Variants in MLLT10 observed in about 807,000 individuals in gnomAD.
The protein encoded by MLLT10 is protein AF-10.
MLLT10 carries 30 observed loss-of-function variants against 129.1 expected under a neutral mutation model. That is an observed-to-expected ratio of 0.23 (90% CI 0.17 to 0.32). MLLT10 has a LOEUF of 0.32. MLLT10 is among the 10% of genes least tolerant of loss of function. MLLT10 has a pLI of 1.00. For missense variants in MLLT10, 1,119 were observed against 1,268.3 expected (o/e 0.88, Z 1.79); for synonymous variants, 490 against 446.4 (o/e 1.10, Z -1.23).
At chr10:21,562,550 C>T (rs2038963788) in intron 3 of MLLT10, among the ~76,000 whole-genome samples, 1 of 151,732 alleles carries the variant, frequency 6.6e-6, no homozygotes, top group Non-Finnish European at 1.5e-5. Context: ...GTTGGCGAGG[C>T]TGGTTTCAAA....
chr10:21,671,094 C>T lies in MLLT10; in HGVS notation c.1051+390C>T, dbSNP rs182090852. 5.4e-5 allele frequency: 9 copies of T among 166,686 alleles called. No homozygotes were observed. In the East Asian group the frequency reaches 1.2e-3, roughly 23 times the overall value. 10.3% of individuals were successfully genotyped at this position (166,686 alleles called of 1,614,324 possible). A position where few individuals can be genotyped will look rare whatever the true frequency, so the allele number is the denominator to read the frequency against. On this transcript the variant is annotated intron_variant, in intron 10 of 22. Transcript: ENST00000307729. ...GGGCTGGAGTGCAGTGGCCGGCTCA[C>T]TGCAACCTCCGCCTCTCAGGTTCAA...
Position 21,743,403 on chromosome 10 carries a change from AT to A in MLLT10, c.*1422del. The stretch of plus-strand genomic sequence containing the variant: ...TTGGTAGATTTAATTGAAAAGTAAA[AT>A]TAATTTATTTTTATATGTTCAGGGG... On this transcript the variant is annotated 3_prime_UTR_variant, in exon 23 of 23. Coordinates refer to ENST00000307729, the MANE Select transcript of MLLT10 (RefSeq NM_001195626.3). 5.0e-6 allele frequency: 1 copy of A among 201,844 alleles called. No individual in the cohort carries two copies. The highest frequency in any genetic ancestry group is 1.0e-5 in the Non-Finnish European group (1 of 97,926). The allele number at this position is 201,844 out of a possible 1,614,324, so 12.5% of individuals were successfully genotyped here.
chr10:21,651,876 C>A, intron 9 of MLLT10, 108 bp downstream of exon 9: 33 of 380,662 alleles, frequency 8.7e-5, no homozygotes, highest in Non-Finnish European at 1.1e-4. Flanking sequence ...TTTTCAACCA[C>A]ATATCAGGCA....
chr10:21,639,742 A>G (rs892008250), intron 8 of MLLT10, among the ~76,000 whole-genome samples: 4 of 152,172 alleles, frequency 2.6e-5, no homozygotes, highest in Admixed American at 1.3e-4. Context: ...CTCTCTGTGC[A>G]GCATTATTTT....
At chr10:21,568,251 T>C (rs1250240517) in intron 3 of MLLT10, among the ~76,000 whole-genome samples, 2 of 152,224 alleles carry the variant, frequency 1.3e-5, no homozygotes, top group African/African-American at 4.8e-5. Context: ...TTGTGCCTTG[T>C]GTCCTGTGAT....
intron 8 of MLLT10, among the ~76,000 whole-genome samples, chr10:21,618,852 C>G (rs1404756050): frequency 2.0e-5 from 3 of 151,996 alleles, no homozygotes; most frequent in Non-Finnish European, 4.4e-5. Flanking sequence ...CGTGCCTCAG[C>G]CTACCTAGTA....
chr10:21,595,323 A>G lies in MLLT10; in HGVS notation c.296-8A>G. On this transcript the variant is annotated splice_polypyrimidine_tract_variant and splice_region_variant and intron_variant, in intron 4 of 22. Transcript: ENST00000307729. ...CTGAAAAGATGACATTTATTTATTT[A>G]TTTTTAGGTTGGGCCCATGTGGTTT... The G allele has an allele frequency of 6.2e-7, 1 of 1,601,614 alleles. No homozygotes were observed. The highest frequency in any genetic ancestry group is 1.3e-5 in the African/African-American group (1 of 74,708).
At chr10:21,666,122 G>T (rs1461702023) in intron 9 of MLLT10, among the ~76,000 whole-genome samples, 2 of 151,790 alleles carry the variant, frequency 1.3e-5, no homozygotes, top group Admixed American at 6.6e-5. Context: ...ATTCAGTTTT[G>T]CCTGATTTGC....
chr10:21,597,045 G>A (rs899840534), intron 5 of MLLT10, among the ~76,000 whole-genome samples: 1 of 151,276 alleles, frequency 6.6e-6, no homozygotes, highest in Non-Finnish European at 1.5e-5. Context: ...TTGGAAGTTC[G>A]TTTTTAAAAA....
rs112096391 is a variant in MLLT10 at position 21,716,408 on chromosome 10, C to A, written c.1878+2458C>A. On this transcript the variant is annotated intron_variant, in intron 14 of 22. Transcript: ENST00000307729. ...AATTATCAATATTTAAAACGTAATT[C>A]TAGGCTGGGCGTGGTGGCTCATGCC... Among the ~76,000 whole-genome samples the A allele has an allele frequency of 8.4e-4, 128 of 152,182 alleles. 1 individual carries two copies. Among genetic ancestry groups the A allele is most frequent in the Non-Finnish European group, 1.4e-3 (95 of 67,984 alleles).
chr10:21,635,362 C>G (rs1284820172), intron 8 of MLLT10, among the ~76,000 whole-genome samples: 3 of 151,944 alleles, frequency 2.0e-5, no homozygotes, highest in Admixed American at 2.0e-4. Context: ...GTTTTATTAT[C>G]TATTTGCTTT....
At chr10:21,689,389 A>G (rs1006640335) in intron 13 of MLLT10, among the ~76,000 whole-genome samples, 3 of 151,590 alleles carry the variant, frequency 2.0e-5, no homozygotes, top group Non-Finnish European at 4.4e-5. Context: ...TGAAGGAATG[A>G]GCTATTCAGA....
intron 8 of MLLT10, chr10:21,624,450 A>G (rs868579349): frequency 1.9e-6 from 1 of 522,228 alleles, no homozygotes. Context: ...GTATATACAC[A>G]ATAGTGATTT....
chr10:21,625,298 G>T, intron 8 of MLLT10: 2 of 828,120 alleles, frequency 2.4e-6, no homozygotes, highest in Non-Finnish European at 4.2e-6. Context: ...TTCATCCATA[G>T]CCATAACAGC....
chr10:21,623,179 G>A (rs1175649048), intron 8 of MLLT10, among the ~76,000 whole-genome samples: 1 of 152,166 alleles, frequency 6.6e-6, no homozygotes, highest in Non-Finnish European at 1.5e-5. Context: ...TTCCCATTAT[G>A]TAGGCACAAT....
At chr10:21,652,754 C>G (rs529824907) in intron 9 of MLLT10, among the ~76,000 whole-genome samples, 1 of 152,294 alleles carries the variant, frequency 6.6e-6, no homozygotes, top group Admixed American at 6.5e-5. Context: ...GAAAGGACCT[C>G]TGGCTGCTTT....
intron 8 of MLLT10, chr10:21,624,910 A>G: frequency 7.7e-7 from 1 of 1,296,824 alleles, no homozygotes. Flanking sequence ...TTTTGTGAAT[A>G]GCCAGCTCTA....
In MLLT10 at chr10:21,673,392, G is replaced by A. The variant is rs1290586719; in HGVS notation, c.1094G>A (p.Gly365Glu). Residue 365 changes from glycine to glutamate, a missense_variant, in exon 11 of 23, where the codon GGA becomes GAA. By Grantham distance (98) the Gly-to-Glu change is moderately conservative. Around this residue, in one of 5 missense-constraint regions of MLLT10, gnomAD observed 1,004 missense variants for 1,008.7 expected, o/e 1.00. Transcript: ENST00000307729. Reference sequence around the variant, plus strand: ...CCAGGCAGTGTAAAGTCATCTTCTGGAAGTTCAGTGCAGTCTCCCCAGGAT... The same window carrying A: ...CCAGGCAGTGTAAAGTCATCTTCTGAAAGTTCAGTGCAGTCTCCCCAGGAT... ...GTPGSVKSSSGSSVQSPQDFL... is the reference protein window; with the variant it reads ...GTPGSVKSSSESSVQSPQDFL... 2.0e-6 allele frequency: 3 copies of A among 1,475,560 alleles called. No individual in the cohort carries two copies. The South Asian group carries it at 3.5e-5, about 17-fold the overall frequency. The allele number at this position is 1,475,560 out of a possible 1,614,324, so 91.4% of individuals were successfully genotyped here.
intron 21 of MLLT10, among the ~76,000 whole-genome samples, chr10:21,735,764 G>A (rs573741849): frequency 2.0e-5 from 3 of 152,276 alleles, no homozygotes; most frequent in African/African-American, 4.8e-5. Flanking sequence ...AGGTCTGGAC[G>A]TACTTGTGTT....
Sources: gnomAD v4.1 joint callset for allele counts (sites outside exome capture counted in the v4.1 genomes callset) on GRCh38, gnomAD v4.1.1 for gene constraint, gnomAD v4.1.1 regional missense constraint, MANE v1.5 for transcripts, NCBI Gene and HGNC (gene_info 2026-07-23, HGNC 2026-07-21) for gene names.